ARHGAP24: variants seen among roughly 807,000 people sequenced by gnomAD.
ARHGAP24 encodes Rho GTPase activating protein 24.
In ARHGAP24, 50 loss-of-function variants were observed where a neutral mutation model predicts 76.4. The ratio of observed to expected loss-of-function variants is 0.65; its 90% CI spans 0.52 to 0.83. ARHGAP24 has a LOEUF of 0.83. Among genes scored for constraint, ARHGAP24 ranks in the 40% least tolerant of loss-of-function variants. The pLI is 0.00. For missense variants in ARHGAP24, 930 were observed against 914.2 expected (o/e 1.02, Z -0.22); for synonymous variants, 345 against 323.3 (o/e 1.07, Z -0.72).
chr4:85,739,115 A>G (rs1273145864), intron 3 of ARHGAP24, among the ~76,000 whole-genome samples: 1 of 152,164 alleles, frequency 6.6e-6, no homozygotes, highest in African/African-American at 2.4e-5. Flanking sequence ...TTTTCTTGCC[A>G]TGGCCTTGCC....
At chr4:85,603,833 G>A (rs571082401) in intron 2 of ARHGAP24, among the ~76,000 whole-genome samples, 1 of 152,242 alleles carries the variant, frequency 6.6e-6, no homozygotes, top group Admixed American at 6.5e-5. Flanking sequence ...AAGGATGATG[G>A]ACTAGGCTCT....
At chr4:85,943,207 T>A (rs1217280268) in intron 5 of ARHGAP24, among the ~76,000 whole-genome samples, 2 of 152,190 alleles carry the variant, frequency 1.3e-5, no homozygotes, top group South Asian at 4.1e-4. Context: ...AGTTTTTGGA[T>A]AAGAGTAATC....
At position 85,755,632 on chromosome 4, in the gene ARHGAP24, TTTTGTTTTGTTTTG is replaced by T. The variant is rs1726455257; in HGVS notation, c.268+33664_268+33677del. Among the ~76,000 whole-genome samples, 2 of 67,006 alleles carry T rather than the reference TTTTGTTTTGTTTTG, an allele frequency of 3.0e-5. 1 individual carries two copies. Among genetic ancestry groups the T allele is most frequent in the Non-Finnish European group, 6.7e-5 (2 of 29,640 alleles). 44.0% of individuals were successfully genotyped at this position (67,006 alleles called of 152,430 possible). A position where few individuals can be genotyped will look rare whatever the true frequency, so the allele number is the denominator to read the frequency against. On this transcript the variant is annotated intron_variant, in intron 3 of 9. Transcript: ENST00000395184. ...GGGAAGCTTCTATTCTTTTGTTTTGTTTTGTTTTGTTTTGTTTTGAGACGGAGTCTCGTTCTGTT... is the reference window on the plus strand; with the variant it reads ...GGGAAGCTTCTATTCTTTTGTTTTGTTTTTGAGACGGAGTCTCGTTCTGTT...
chr4:85,508,762 G>A (rs1246083293), intron 1 of ARHGAP24, among the ~76,000 whole-genome samples: 1 of 152,072 alleles, frequency 6.6e-6, no homozygotes, highest in Non-Finnish European at 1.5e-5. Context: ...ATCTACATTG[G>A]TGTCCTCTTG....
At chr4:85,660,388 A>G (rs962267561) in intron 2 of ARHGAP24, among the ~76,000 whole-genome samples, 2 of 152,222 alleles carry the variant, frequency 1.3e-5, no homozygotes, top group Non-Finnish European at 2.9e-5. Flanking sequence ...CCATGTAAGT[A>G]TAACAAAACA....
intron 3 of ARHGAP24, among the ~76,000 whole-genome samples, chr4:85,903,725 A>G (rs1381885686): frequency 6.6e-6 from 1 of 152,146 alleles, no homozygotes; most frequent in Non-Finnish European, 1.5e-5. Flanking sequence ...AATTGGACCC[A>G]GACACCCCAA....
At chr4:85,667,820 C>T (rs560146137) in intron 2 of ARHGAP24, among the ~76,000 whole-genome samples, 7 of 152,234 alleles carry the variant, frequency 4.6e-5, no homozygotes, top group East Asian at 1.9e-4. Flanking sequence ...AATTACCCAC[C>T]GACTTGTCTG....
chr4:85,942,350 G>A (rs899877689), intron 5 of ARHGAP24, 77 bp downstream of exon 5: 114 of 1,483,920 alleles, frequency 7.7e-5, no homozygotes, highest in Non-Finnish European at 1.1e-4. Context: ...AGCTGAGGAG[G>A]CATAACCTTG....
chr4:85,704,149 T>C (rs2110028952), intron 2 of ARHGAP24, among the ~76,000 whole-genome samples: 2 of 152,346 alleles, frequency 1.3e-5, no homozygotes, highest in South Asian at 4.1e-4. Flanking sequence ...TTCAATTGTA[T>C]GCATATATAC....
chr4:85,510,621 TC>T (rs1724240510), intron 1 of ARHGAP24, among the ~76,000 whole-genome samples: 1 of 113,120 alleles, frequency 8.8e-6, no homozygotes, highest in South Asian at 3.2e-4. Flanking sequence ...TTCCCCTCCC[TC>T]CCCTGTCCTT....
chr4:85,500,855 G>A (rs1386949299), intron 1 of ARHGAP24, among the ~76,000 whole-genome samples: 6 of 151,936 alleles, frequency 3.9e-5, no homozygotes, highest in Admixed American at 3.3e-4. Flanking sequence ...TCCTAACGCT[G>A]TTCCTCCCCC....
At chr4:85,901,893 G>A (rs1734514338) in intron 3 of ARHGAP24, among the ~76,000 whole-genome samples, 1 of 151,894 alleles carries the variant, frequency 6.6e-6, no homozygotes, top group South Asian at 2.1e-4. Context: ...GTGTCATGGT[G>A]GTTTGCTGCA....
intron 3 of ARHGAP24, among the ~76,000 whole-genome samples, chr4:85,890,944 T>C (rs1397795571): frequency 6.6e-6 from 1 of 152,172 alleles, no homozygotes; most frequent in African/African-American, 2.4e-5. Context: ...AACAAGTGTC[T>C]GCAAGTCTAG....
At chr4:85,683,125 G>GGGGGGGGGGT (rs1553922590) in intron 2 of ARHGAP24, among the ~76,000 whole-genome samples, 2 of 107,658 alleles carry the variant, frequency 1.9e-5, no homozygotes, top group Non-Finnish European at 3.8e-5. Context: ...GGTGGGGGGG[G>GGGGGGGGGGT]GGTGCGGGGG....
chr4:85,701,347 T>C (rs1050015394), intron 2 of ARHGAP24, among the ~76,000 whole-genome samples: 1 of 152,184 alleles, frequency 6.6e-6, no homozygotes, highest in African/African-American at 2.4e-5. Flanking sequence ...AGTTCTTTAG[T>C]GGTGATTTCT....
intron 3 of ARHGAP24, among the ~76,000 whole-genome samples, chr4:85,847,870 C>G (rs1333768109): frequency 6.6e-6 from 1 of 152,028 alleles, no homozygotes; most frequent in Non-Finnish European, 1.5e-5. Flanking sequence ...TGAGCATCCC[C>G]AAAAATGAGC....
intron 3 of ARHGAP24, among the ~76,000 whole-genome samples, chr4:85,770,429 A>G (rs918754945): frequency 1.3e-5 from 2 of 152,142 alleles, no homozygotes; most frequent in Admixed American, 6.5e-5. Flanking sequence ...ATGTCTCCCT[A>G]CTTCCTAGGT....
chr4:85,587,729 G>C (rs1727919879), intron 2 of ARHGAP24, among the ~76,000 whole-genome samples: 1 of 152,066 alleles, frequency 6.6e-6, no homozygotes, highest in Non-Finnish European at 1.5e-5. Flanking sequence ...AGGACTCTTG[G>C]CTTCCTTTCT....
chr4:86,000,599 A>G lies in ARHGAP24; in HGVS notation c.2124A>G (p.Lys708=). The part of the protein sequence containing the change: ...EIKMRNAERA[K]EDAEKRNDML... ...AAATGCGAAATGCCGAGCGAGCAAA[A>G]GAAGATGCCGAGAAAAGAAATGACA... is the stretch of plus-strand genomic sequence containing the variant. The change falls in exon 10 of 10, where the codon AAA becomes AAG. Residue 708 remains lysine, a synonymous_variant. Transcript: ENST00000395184. 1.9e-6 allele frequency: 3 copies of G among 1,614,072 alleles called. No individual in the cohort carries two copies. Among genetic ancestry groups the G allele is most frequent in the Non-Finnish European group, 2.5e-6 (3 of 1,179,984 alleles).
Sources: allele counts gnomAD v4.1 joint callset (sites outside exome capture counted in the v4.1 genomes callset), GRCh38; gene constraint gnomAD v4.1.1; transcripts MANE v1.5; gene names NCBI Gene and HGNC (gene_info 2026-07-23, HGNC 2026-07-21).